The following TBX15 variants were observed in gnomAD, a reference collection of about 807,000 sequenced individuals.
The protein encoded by TBX15 is T-box transcription factor TBX15.
Under a neutral mutation model 53.9 loss-of-function variants are expected in TBX15, and 18 were observed. The ratio of observed to expected loss-of-function variants is 0.33; its 90% CI spans 0.23 to 0.49. The LOEUF (loss-of-function observed/expected upper bound fraction) is 0.49. Among genes scored for constraint, TBX15 ranks in the 20% least tolerant of loss-of-function variants. The probability of loss-of-function intolerance (pLI) is 0.98; values close to 1 mark genes in which losing one functional copy is unlikely to be tolerated. For missense variants in TBX15, 692 were observed against 749.5 expected (o/e 0.92, Z 0.90); for synonymous variants, 295 against 278.0 (o/e 1.06, Z -0.61).
At chr1:118,897,489 T>G (rs1654469841) in intron 7 of TBX15, among the ~76,000 whole-genome samples, 2 of 152,112 alleles carry the variant, frequency 1.3e-5, no homozygotes, top group South Asian at 4.1e-4. Context: ...GGAAAGGCAA[T>G]GAGTAAAGCA....
At chr1:118,946,661 T>C (rs79416580) in intron 1 of TBX15, among the ~76,000 whole-genome samples, 2,165 of 152,280 alleles carry the variant, frequency 0.014, 46 homozygotes, top group African/African-American at 0.05. Flanking sequence ...GGGATTGTGT[T>C]TCTCTATGTA....
chr1:118,885,257 G>A lies in TBX15; in HGVS notation c.1284C>T (p.Thr428=). ...TTTCAGAGGGCTGAGTGGCTGAAGT[G>A]GTGCCACTCTGAAGCCTGTTGTAGC... ...DSGYNRLQSG[T]TSATQPSETF... is the part of the protein sequence containing the mutation. Residue 428 remains threonine (T), a synonymous_variant, in exon 8 of 8, where the codon ACC becomes ACT. Transcript: ENST00000369429. 2 of 1,614,114 alleles carry A rather than the reference G, an allele frequency of 1.2e-6. 1 individual carries two copies. The highest frequency in any genetic ancestry group is 2.7e-5 in the African/African-American group (2 of 75,050).
chr1:118,890,133 C>T (rs767226353), intron 7 of TBX15, among the ~76,000 whole-genome samples: 2 of 152,194 alleles, frequency 1.3e-5, no homozygotes, highest in Non-Finnish European at 2.9e-5. Context: ...ACCTCCATCA[C>T]TGTGAATGAT....
At chr1:118,902,187 T>G (rs1390032543) in intron 6 of TBX15, among the ~76,000 whole-genome samples, 1 of 152,158 alleles carries the variant, frequency 6.6e-6, no homozygotes, top group Non-Finnish European at 1.5e-5. Flanking sequence ...CAGTGTGTAT[T>G]GCTTTTTAGA....
chr1:118,973,515 T>C (rs115278436), intron 1 of TBX15, among the ~76,000 whole-genome samples: 2 of 151,516 alleles, frequency 1.3e-5, no homozygotes, highest in African/African-American at 2.4e-5. Flanking sequence ...TCTAAACCTA[T>C]ACACATGCCC....
intron 1 of TBX15, among the ~76,000 whole-genome samples, chr1:118,946,859 G>C (rs1023852987): frequency 6.6e-6 from 1 of 152,144 alleles, no homozygotes; most frequent in Non-Finnish European, 1.5e-5. Flanking sequence ...ATGAAAACGT[G>C]GCTTTTCCTT....
At chr1:118,977,718 C>T (rs1353696236) in intron 1 of TBX15, among the ~76,000 whole-genome samples, 1 of 152,188 alleles carries the variant, frequency 6.6e-6, no homozygotes, top group Non-Finnish European at 1.5e-5. Context: ...CTGACCCTGC[C>T]CTCAAGTTCA....
In TBX15 at chr1:118,947,036, G is replaced by A. The variant is rs1476496711; in HGVS notation, c.206-15204C>T. 1.3e-5 allele frequency among the ~76,000 whole-genome samples: 2 copies of A among 152,230 alleles called. 1 individual carries two copies. The highest frequency in any genetic ancestry group is 3.8e-4 in the East Asian group (2 of 5,200). ...GCAGTCCAATCCCCTCACTGGGGAT[G>A]TGCTCTTAGGCAGTGGTCCCTGTAT... On this transcript the variant is annotated intron_variant, in intron 1 of 7. Coordinates refer to ENST00000369429, the MANE Select transcript of TBX15 (RefSeq NM_001330677.2).
At chr1:118,958,480 A>T (rs12144610) in intron 1 of TBX15, among the ~76,000 whole-genome samples, 19,515 of 152,190 alleles carry the variant, frequency 0.13, 1,774 homozygotes, top group Non-Finnish European at 0.18. Flanking sequence ...TTCCAATATC[A>T]CGCCAATATT....
intron 1 of TBX15, among the ~76,000 whole-genome samples, chr1:118,969,527 C>G (rs1425414899): frequency 1.3e-5 from 2 of 152,128 alleles, no homozygotes; most frequent in African/African-American, 4.8e-5. Flanking sequence ...TCCTTCATGA[C>G]CTATAATCAG....
In TBX15 at chr1:118,956,962, C is replaced by CAAAA. The variant is rs11417425; in HGVS notation, c.206-25134_206-25131dup. Among the ~76,000 whole-genome samples, 77 of 141,850 alleles carry CAAAA rather than the reference C, an allele frequency of 5.4e-4. 1 individual carries two copies. The highest frequency in any genetic ancestry group is 2.1e-3 in the East Asian group (10 of 4,814). 93.1% of individuals were successfully genotyped at this position (141,850 alleles called of 152,430 possible). A position where few individuals can be genotyped will look rare whatever the true frequency, so the allele number is the denominator to read the frequency against. On this transcript the variant is annotated intron_variant, in intron 1 of 7. Coordinates refer to ENST00000369429, the MANE Select transcript of TBX15 (RefSeq NM_001330677.2). ...TGGGCAACAGAGCGAGACTCCATCT[C>CAAAA]AAAAAAAAAAAAATAGATTAAATCC...
intron 6 of TBX15, among the ~76,000 whole-genome samples, chr1:118,902,823 T>C (rs908664830): frequency 2.0e-5 from 3 of 152,156 alleles, no homozygotes; most frequent in Non-Finnish European, 4.4e-5. Context: ...CAGTTGGATG[T>C]CTAGTCAAAA....
At chr1:118,972,634 T>C (rs1406913589) in intron 1 of TBX15, among the ~76,000 whole-genome samples, 1 of 152,082 alleles carries the variant, frequency 6.6e-6, no homozygotes, top group Non-Finnish European at 1.5e-5. Flanking sequence ...GTCTCACTCT[T>C]TTCATCCAGG....
At chr1:118,911,407 G>A (rs1337681694) in intron 6 of TBX15, among the ~76,000 whole-genome samples, 1 of 152,158 alleles carries the variant, frequency 6.6e-6, no homozygotes, top group Admixed American at 6.5e-5. Context: ...CCATAGTTCT[G>A]CTTTCCTGAA....
At chr1:118,976,386 T>C (rs540918463) in intron 1 of TBX15, among the ~76,000 whole-genome samples, 1 of 152,360 alleles carries the variant, frequency 6.6e-6, no homozygotes, top group Non-Finnish European at 1.5e-5. Flanking sequence ...CTGGCTGATT[T>C]TTCCCAGAAT....
chr1:118,980,706 T>C (rs780487281), intron 1 of TBX15, among the ~76,000 whole-genome samples: 64 of 152,254 alleles, frequency 4.2e-4, no homozygotes, highest in Non-Finnish European at 7.8e-4. Flanking sequence ...AGTAGCATTC[T>C]GCCCATCCAA....
chr1:118,929,938 G>T (rs1655725318), intron 2 of TBX15, among the ~76,000 whole-genome samples: 1 of 152,038 alleles, frequency 6.6e-6, no homozygotes, highest in African/African-American at 2.4e-5. Context: ...GAGTTACTTT[G>T]TTTTCTTCCA....
chr1:118,934,311 C>T (rs1655894799), intron 1 of TBX15, among the ~76,000 whole-genome samples: 2 of 152,130 alleles, frequency 1.3e-5, no homozygotes, highest in African/African-American at 4.8e-5. Flanking sequence ...AAATTTAAAA[C>T]TCTTTGAACA....
intron 2 of TBX15, 57 bp downstream of exon 2, chr1:118,931,562 T>G: frequency 1.3e-6 from 2 of 1,578,742 alleles, no homozygotes; most frequent in Non-Finnish European, 8.7e-7. Flanking sequence ...AAGAATGTAA[T>G]GGCTCCTACT....
Sources: allele counts gnomAD v4.1 joint callset (sites outside exome capture counted in the v4.1 genomes callset), GRCh38; gene constraint gnomAD v4.1.1; transcripts MANE v1.5; gene names NCBI Gene and HGNC (gene_info 2026-07-23, HGNC 2026-07-21).